Variants in MYH7B observed in about 807,000 individuals in gnomAD.
MYH7B encodes myosin heavy chain 7B.
A neutral mutation model predicts 234.5 loss-of-function variants in MYH7B; 205 were observed. The observed-to-expected ratio is 0.87, with a 90% CI of 0.78 to 0.98. MYH7B has a LOEUF of 0.98. Ranked by LOEUF, MYH7B falls within the 50% of genes least tolerant of loss-of-function variation. MYH7B has a pLI of 0.00. For missense variants in MYH7B, 2,652 were observed against 2,633.4 expected (o/e 1.01, Z -0.15); for synonymous variants, 1,193 against 1,105.0 (o/e 1.08, Z -1.58).
At chr20:34,987,663 G>C (rs770184126) in exon 17 of MYH7B, 2 of 1,613,508 alleles carry the variant, frequency 1.2e-6, no homozygotes. Context: ...CCAAGGGCCA[G>C]AGTGTGGAGC....
At chr20:34,996,160 C>T (rs1031689657) in intron 28 of MYH7B, among the ~76,000 whole-genome samples, 186 bp from the exon 29 acceptor site, 4 of 152,174 alleles carry the variant, frequency 2.6e-5, no homozygotes, top group Admixed American at 2.0e-4. Flanking sequence ...TGCATCCACT[C>T]GTGAATCCTC....
At chr20:34,974,916 TA>T (rs1383175676) in intron 2 of MYH7B, among the ~76,000 whole-genome samples, 2 of 151,942 alleles carry the variant, frequency 1.3e-5, no homozygotes, top group African/African-American at 4.8e-5. Flanking sequence ...TGGCAGGAGG[TA>T]GGCAAGGTAC....
intron 7 of MYH7B, chr20:34,980,364 C>G (rs372440116): frequency 4.1e-6 from 2 of 493,648 alleles, no homozygotes; most frequent in East Asian, 6.9e-5. Context: ...GCCTGGCCAA[C>G]ATGGTGAAAC....
chr20:34,996,957 C>G (rs2082270784), intron 30 of MYH7B, 126 bp from the exon 31 acceptor site: 5 of 1,275,484 alleles, frequency 3.9e-6, no homozygotes, highest in Non-Finnish European at 5.3e-6. Context: ...GGCCTCAGGG[C>G]CCAGTGCAGC....
At chr20:34,996,304 G>A (rs1474572847) in intron 28 of MYH7B, 42 bp from the exon 29 acceptor site, 5 of 1,547,728 alleles carry the variant, frequency 3.2e-6, no homozygotes, top group Non-Finnish European at 3.5e-6. Flanking sequence ...CGCTCAGAGT[G>A]CGGGGAAGGG....
Position 34,997,170 on chromosome 20 carries a change from GCAGGTGCGTGGGGAT to G in MYH7B, c.3356_3357+13del. The stretch of plus-strand genomic sequence containing the variant: ...AGATGCAGAAGAAGATCAAGGAGCT[GCAGGTGCGTGGGGAT>G]CGGGTGGGTGAGGCCTGGGGTCAGA... On this transcript the variant is annotated splice_donor_variant and splice_donor_5th_base_variant and coding_sequence_variant and intron_variant, in exon 31 of 45. Coordinates refer to ENST00000262873, the Ensembl canonical transcript of MYH7B. LOFTEE classifies it high-confidence loss of function. 1.3e-6 allele frequency: 2 copies of G among 1,550,092 alleles called. No homozygotes were observed. Among genetic ancestry groups the G allele is most frequent in the African/African-American group, 2.7e-5 (2 of 73,154 alleles).
Position 34,999,107 on chromosome 20 carries a change from C to T in MYH7B, c.4242C>T (p.Ala1414=). 6.2e-7 allele frequency: 1 copy of T among 1,613,312 alleles called. No homozygotes were observed. The highest frequency in any genetic ancestry group is 1.7e-5 in the Admixed American group (1 of 60,022). Residue 1414 remains alanine (A), a synonymous_variant, in exon 36 of 45, where the codon GCC becomes GCT. Coordinates refer to ENST00000262873, the Ensembl canonical transcript of MYH7B. ...AGGCAGAGGAGGGCGTGGAGGCTGCCAACGCCAAGTGCTCATCGTTGGAGA... is the reference window on the plus strand; with the variant it reads ...AGGCAGAGGAGGGCGTGGAGGCTGCTAACGCCAAGTGCTCATCGTTGGAGA...
intron 27 of MYH7B, 38 bp from the exon 28 acceptor site, chr20:34,995,298 C>T: frequency 6.3e-7 from 1 of 1,594,038 alleles, no homozygotes; most frequent in South Asian, 1.1e-5. Context: ...GTTTACCTGG[C>T]CCTCCCCCAA....
At chr20:34,973,867 C>G (rs973203818) in intron 2 of MYH7B, among the ~76,000 whole-genome samples, 1 of 151,984 alleles carries the variant, frequency 6.6e-6, no homozygotes, top group African/African-American at 2.4e-5. Context: ...AAGTGATCCT[C>G]CTGCTTCAGC....
rs2082052484 is a variant in MYH7B, at chr20:34,987,566, AG to A, written c.1159del (p.Ala387LeufsTer4). 1 of 1,612,450 alleles carries A rather than the reference AG, an allele frequency of 6.2e-7. No homozygotes were observed. The highest frequency in any genetic ancestry group is 8.5e-7 in the Non-Finnish European group (1 of 1,179,108). ...ACTCGTGCCCTGCCAGGTGCTGACA[AG>A]GCTGCCTACCTGATGGGGGTCAGCA... is the stretch of plus-strand genomic sequence containing the variant. On this transcript the variant is annotated frameshift_variant, in exon 17 of 45. Coordinates refer to ENST00000262873, the Ensembl canonical transcript of MYH7B. LOFTEE classifies it high-confidence loss of function.
intron 22 of MYH7B, 53 bp downstream of exon 22, chr20:34,990,363 T>A (rs773912625): frequency 6.3e-7 from 1 of 1,597,410 alleles, no homozygotes; most frequent in Admixed American, 1.7e-5. Context: ...TCCAGCCCCG[T>A]CCTTCACCCC....
chr20:34,966,561 T>G (rs945591921), intron 2 of MYH7B, among the ~76,000 whole-genome samples: 1 of 152,192 alleles, frequency 6.6e-6, no homozygotes, highest in Non-Finnish European at 1.5e-5. Flanking sequence ...GTGGAAGATC[T>G]GTGAATTGAC....
chr20:34,986,787 C>T (rs1569042582), intron 14 of MYH7B, 99 bp from the exon 15 acceptor site: 3 of 951,714 alleles, frequency 3.2e-6, no homozygotes, highest in Non-Finnish European at 5.0e-6. Flanking sequence ...TAGACTCCTG[C>T]TGGGCTTGCC....
At chr20:34,985,341 A>G (rs944151465) in intron 13 of MYH7B, among the ~76,000 whole-genome samples, 1 of 152,010 alleles carries the variant, frequency 6.6e-6, no homozygotes, top group African/African-American at 2.4e-5. Context: ...CTACGCGGCC[A>G]TAGTTTTGCT....
intron 2 of MYH7B, among the ~76,000 whole-genome samples, chr20:34,970,299 G>A (rs1425165996): frequency 6.6e-6 from 1 of 152,234 alleles, no homozygotes; most frequent in Non-Finnish European, 1.5e-5. Flanking sequence ...GCCCATGAGT[G>A]TCTGCCAGCC....
rs558433026 is a variant in MYH7B, at chr20:34,999,952, G to T, written c.4781+46G>T. ...TCCCCACCTCCCGAGAGCAGAAGGG[G>T]AGGGAAGCAGTGTGTACTCTGCTCT... On this transcript the variant is annotated intron_variant, in intron 38 of 44. Transcript: ENST00000262873. 2.6e-6 allele frequency: 4 copies of T among 1,538,900 alleles called. No individual in the cohort carries two copies. The African/African-American group carries it at 4.1e-5, about 16-fold the overall frequency.
chr20:34,987,953 A>G, intron 18 of MYH7B, 39 bp downstream of exon 18: 1 of 1,564,966 alleles, frequency 6.4e-7, no homozygotes, highest in Non-Finnish European at 8.7e-7. Context: ...GTTCTCTCCA[A>G]GGTAGAGGAC....
At position 34,994,421 on chromosome 20, in the gene MYH7B, G is replaced by A. The variant is rs1369118704; in HGVS notation, c.2700+20G>A. 2 of 1,548,280 alleles carry A rather than the reference G, an allele frequency of 1.3e-6. No individual in the cohort carries two copies. The highest frequency in any genetic ancestry group is 2.3e-5 in the East Asian group (1 of 44,254). On this transcript the variant is annotated intron_variant, in intron 27 of 44. Coordinates refer to ENST00000262873, the Ensembl canonical transcript of MYH7B. Reference sequence around the variant, plus strand: ...CAGGCTGTGAGTCAGGGTTCCCCTTGTGACCGGGCGTCCCCAGCCCCGAGT... The same window carrying A: ...CAGGCTGTGAGTCAGGGTTCCCCTTATGACCGGGCGTCCCCAGCCCCGAGT...
chr20:34,999,737 G>A (rs1398753543), intron 37 of MYH7B, 42 bp downstream of exon 37: 1 of 1,601,626 alleles, frequency 6.2e-7, no homozygotes, highest in Non-Finnish European at 8.5e-7. Flanking sequence ...CTGACCTGCT[G>A]CTCCACTGGC....
Sources: gnomAD v4.1 joint callset for allele counts (sites outside exome capture counted in the v4.1 genomes callset) on GRCh38, gnomAD v4.1.1 for gene constraint, MANE v1.5 for transcripts, NCBI Gene and HGNC (gene_info 2026-07-23, HGNC 2026-07-21) for gene names.